ASZ1: variants seen among roughly 807,000 people sequenced by gnomAD.
ASZ1 encodes the protein ankyrin repeat, SAM and basic leucine zipper domain containing 1.
ASZ1 carries 67 observed loss-of-function variants against 61.8 expected under a neutral mutation model. That is an observed-to-expected ratio of 1.08 (90% CI 0.89 to 1.33). The LOEUF is 1.33. ASZ1 is among the 40% of genes most tolerant of loss of function. The probability of loss-of-function intolerance (pLI) is 0.00; values close to 1 mark genes in which losing one functional copy is unlikely to be tolerated. For missense variants in ASZ1, 577 were observed against 554.5 expected, an observed-to-expected ratio of 1.04 and a Z score of -0.41; for synonymous variants, 193 against 192.7, an observed-to-expected ratio of 1.00 and a Z score of -0.01.
intron 4 of ASZ1, among the ~76,000 whole-genome samples, chr7:117,386,016 T>C (rs912022392): frequency 6.6e-6 from 1 of 152,182 alleles, no homozygotes; most frequent in Non-Finnish European, 1.5e-5. Context: ...GCTGAATGCT[T>C]ACACAGCACC....
chr7:117,418,421 A>C (rs1166534740), intron 4 of ASZ1, among the ~76,000 whole-genome samples: 1 of 151,992 alleles, frequency 6.6e-6, no homozygotes, highest in Non-Finnish European at 1.5e-5. Context: ...TTGGGAGGCC[A>C]AAGTGGGCGG....
chr7:117,374,185 A>G (rs1435440004), intron 10 of ASZ1, among the ~76,000 whole-genome samples: 1 of 152,098 alleles, frequency 6.6e-6, no homozygotes, highest in Non-Finnish European at 1.5e-5. Flanking sequence ...CGTCTATATT[A>G]TTTCCTGGAA....
intron 4 of ASZ1, among the ~76,000 whole-genome samples, chr7:117,414,207 T>C (rs949147695): frequency 2.0e-5 from 3 of 152,222 alleles, no homozygotes; most frequent in African/African-American, 7.2e-5. Context: ...CATGGTATCA[T>C]GATGGAGATA....
chr7:117,427,488 C>A lies in ASZ1; in HGVS notation c.-28G>T. The A allele has an allele frequency of 6.2e-7, 1 of 1,610,884 alleles. No homozygotes were observed. Among genetic ancestry groups the A allele is most frequent in the African/African-American group, 1.3e-5 (1 of 74,996 alleles). On this transcript the variant is annotated 5_prime_UTR_variant, in exon 1 of 13. Transcript: ENST00000284629. The stretch of plus-strand genomic sequence containing the variant: ...CAGCCAAGGAAGCTCCCTGTCGGCA[C>A]CGCGCGCCCTTCAGCTCTCCGGGCG...
intron 7 of ASZ1, 48 bp from the exon 8 acceptor site, chr7:117,382,192 A>G: frequency 1.8e-6 from 2 of 1,103,890 alleles, no homozygotes; most frequent in South Asian, 2.6e-5. Flanking sequence ...TTATAAATGC[A>G]CAAGCGATAA....
At chr7:117,393,142 T>C (rs1258751873) in intron 4 of ASZ1, among the ~76,000 whole-genome samples, 1 of 151,650 alleles carries the variant, frequency 6.6e-6, no homozygotes, top group Non-Finnish European at 1.5e-5. Flanking sequence ...CCACTGAGCC[T>C]AGCTGGGTAG....
chr7:117,411,916 G>A (rs1796896688), intron 4 of ASZ1, among the ~76,000 whole-genome samples: 1 of 151,740 alleles, frequency 6.6e-6, no homozygotes, highest in Non-Finnish European at 1.5e-5. Flanking sequence ...CTTAAATGCT[G>A]TCAACATGAT....
At chr7:117,367,318 C>A in intron 12 of ASZ1, 34 bp downstream of exon 12, 1 of 1,392,806 alleles carries the variant, frequency 7.2e-7, no homozygotes, top group Non-Finnish European at 9.4e-7. Flanking sequence ...CATTTCCCTT[C>A]ATTTTTCCCC....
chr7:117,411,586 T>G (rs2116519583), intron 4 of ASZ1, among the ~76,000 whole-genome samples: 2 of 151,956 alleles, frequency 1.3e-5, no homozygotes, highest in East Asian at 1.9e-4. Flanking sequence ...CTTGCAAGAT[T>G]TTAAATGTGC....
chr7:117,373,681 G>C (rs1796088573), intron 10 of ASZ1, among the ~76,000 whole-genome samples: 1 of 151,898 alleles, frequency 6.6e-6, no homozygotes, highest in East Asian at 1.9e-4. Flanking sequence ...TTAATAACAA[G>C]GTCAAATTCC....
At chr7:117,372,625 G>A (rs970871715) in intron 10 of ASZ1, among the ~76,000 whole-genome samples, 2 of 152,154 alleles carry the variant, frequency 1.3e-5, no homozygotes, top group Admixed American at 6.6e-5. Flanking sequence ...CAAGTACTAA[G>A]ATAAAATTTA....
intron 4 of ASZ1, among the ~76,000 whole-genome samples, chr7:117,399,349 T>C (rs1282803870): frequency 6.6e-6 from 1 of 152,206 alleles, no homozygotes; most frequent in East Asian, 1.9e-4. Flanking sequence ...GTTTCACTTG[T>C]CATCTGCATC....
intron 5 of ASZ1, 104 bp from the exon 6 acceptor site, chr7:117,384,964 T>C (rs1796320867): frequency 2.9e-6 from 3 of 1,045,354 alleles, no homozygotes; most frequent in East Asian, 3.0e-5. Flanking sequence ...AAAGAGAACA[T>C]AGTTAATTAA....
At chr7:117,378,404 A>G (rs1410938161) in intron 10 of ASZ1, among the ~76,000 whole-genome samples, 1 of 152,140 alleles carries the variant, frequency 6.6e-6, no homozygotes, top group African/African-American at 2.4e-5. Context: ...CAAAAAGTAC[A>G]CATATGGCAA....
intron 4 of ASZ1, among the ~76,000 whole-genome samples, chr7:117,407,743 G>A (rs766443835): frequency 6.6e-6 from 1 of 152,112 alleles, no homozygotes. Context: ...GATGAAGCAG[G>A]GTGAATGACA....
At chr7:117,408,637 A>T (rs1796836602) in intron 4 of ASZ1, among the ~76,000 whole-genome samples, 1 of 152,190 alleles carries the variant, frequency 6.6e-6, no homozygotes, top group African/African-American at 2.4e-5. Flanking sequence ...AGGAGAATAA[A>T]CAAACTTTAA....
intron 4 of ASZ1, among the ~76,000 whole-genome samples, chr7:117,399,612 T>G (rs1348221087): frequency 5.9e-5 from 9 of 151,944 alleles, no homozygotes; most frequent in Admixed American, 5.9e-4. Context: ...TTTTTTACAT[T>G]CAAGAGTTGG....
chr7:117,382,211 TTA>T, intron 7 of ASZ1, 67 bp from the exon 8 acceptor site: 5 of 954,052 alleles, frequency 5.2e-6, no homozygotes, highest in Non-Finnish European at 8.3e-6. Context: ...AAATATACAT[TTA>T]TATTGCAAGA....
intron 4 of ASZ1, among the ~76,000 whole-genome samples, chr7:117,418,408 A>C (rs1304076030): frequency 1.3e-5 from 2 of 152,182 alleles, no homozygotes; most frequent in African/African-American, 2.4e-5. Flanking sequence ...TAATCCTAGC[A>C]CTTTGGGAGG....
Sources: allele counts gnomAD v4.1 joint callset (sites outside exome capture counted in the v4.1 genomes callset), GRCh38; gene constraint gnomAD v4.1.1; transcripts MANE v1.5; gene names NCBI Gene and HGNC (gene_info 2026-07-23, HGNC 2026-07-21).